The following CFAP91 variants were observed in gnomAD, a reference collection of about 807,000 sequenced individuals.
The protein encoded by CFAP91 is cilia- and flagella-associated protein 91.
Under a neutral mutation model 95.9 loss-of-function variants are expected in CFAP91, and 85 were observed. The ratio of observed to expected loss-of-function variants is 0.89; its 90% CI spans 0.74 to 1.06. The LOEUF is 1.06. Among genes scored for constraint, CFAP91 ranks in the 50% least tolerant of loss-of-function variants. CFAP91 has a pLI of 0.00. For synonymous variants in CFAP91, 335 were observed against 327.5 expected (o/e 1.02, Z -0.25); for missense variants, 962 against 943.4 (o/e 1.02, Z -0.26).
chr3:119,737,476 G>A lies in CFAP91; in HGVS notation c.1455G>A (p.Thr485=), dbSNP rs145872461. ...PRLPTPTLEM[T]SNEEEEMEMA... The stretch of plus-strand genomic sequence containing the variant: ...TTCCAACTCCAACCTTGGAAATGAC[G>A]TCCAATGTAAGTTGGAAACTTTTTA... Residue 485 remains threonine, a synonymous_variant, in exon 11 of 18, where the codon ACG becomes ACA. Transcript: ENST00000273390. 1.0e-4 allele frequency: 165 copies of A among 1,585,908 alleles called. No individual in the cohort carries two copies. Among genetic ancestry groups the A allele is most frequent in the Middle Eastern group, 3.3e-4 (2 of 6,016 alleles).
At chr3:119,750,816 G>T in intron 16 of CFAP91, 121 bp from the exon 17 acceptor site, 1 of 1,043,454 alleles carries the variant, frequency 9.6e-7, no homozygotes, top group Non-Finnish European at 1.4e-6. Flanking sequence ...AAAGAAATTA[G>T]ATTTGGGTTG....
At chr3:119,761,482 A>T (rs926172159) in intron 17 of CFAP91, among the ~76,000 whole-genome samples, 1 of 151,908 alleles carries the variant, frequency 6.6e-6, no homozygotes, top group Non-Finnish European at 1.5e-5. Context: ...ATACTTCCAA[A>T]CTCATTTTAC....
At chr3:119,727,238 A>G (rs1695127603) in intron 7 of CFAP91, among the ~76,000 whole-genome samples, 1 of 152,186 alleles carries the variant, frequency 6.6e-6, no homozygotes. Context: ...AATTTGGAAT[A>G]TGTTAAATTT....
At chr3:119,736,635 G>A (rs916825257) in intron 10 of CFAP91, among the ~76,000 whole-genome samples, 12 of 152,124 alleles carry the variant, frequency 7.9e-5, no homozygotes, top group African/African-American at 2.7e-4. Flanking sequence ...ATGGAGTCAT[G>A]CAGTATATGG....
chr3:119,759,659 TTAAAAA>T, intron 17 of CFAP91, among the ~76,000 whole-genome samples: 1 of 151,984 alleles, frequency 6.6e-6, no homozygotes, highest in East Asian at 1.9e-4. Flanking sequence ...GACAAAACTA[TTAAAAA>T]TAATATCTAC....
intron 5 of CFAP91, among the ~76,000 whole-genome samples, chr3:119,714,557 G>A (rs35931410): frequency 0.16 from 23,913 of 151,978 alleles, 2,041 homozygotes; most frequent in Admixed American, 0.2. Flanking sequence ...ATAGTATCTT[G>A]CTGTTTTACT....
intron 10 of CFAP91, among the ~76,000 whole-genome samples, chr3:119,735,860 T>TA (rs2053991580): frequency 6.6e-6 from 1 of 152,232 alleles, no homozygotes; most frequent in Non-Finnish European, 1.5e-5. Context: ...TCTTTTAGAT[T>TA]AAAAATAAGA....
chr3:119,715,881 T>G, intron 6 of CFAP91, 138 bp downstream of exon 6: 1 of 676,802 alleles, frequency 1.5e-6, no homozygotes, highest in Admixed American at 2.6e-5. Flanking sequence ...CTTCATAGAC[T>G]CATAATTTTT....
chr3:119,766,954 T>C lies in CFAP91; in HGVS notation c.*1904T>C, dbSNP rs967352154. 1 of 152,260 alleles carries C rather than the reference T, an allele frequency of 6.6e-6. No individual in the cohort carries two copies. Among genetic ancestry groups the C allele is most frequent in the African/African-American group, 2.4e-5 (1 of 41,468 alleles). 9.4% of individuals were successfully genotyped at this position (152,260 alleles called of 1,614,324 possible). On this transcript the variant is annotated 3_prime_UTR_variant, in exon 18 of 18. Transcript: ENST00000273390. Reference sequence around the variant, plus strand: ...TTGTTATACAATTCTCATTGACTAATTGAAGTTTACTAGGAGAGGAAAACT... The same window carrying C: ...TTGTTATACAATTCTCATTGACTAACTGAAGTTTACTAGGAGAGGAAAACT...
chr3:119,754,551 A>G (rs1392255316), intron 17 of CFAP91, among the ~76,000 whole-genome samples: 2 of 152,250 alleles, frequency 1.3e-5, no homozygotes, highest in Admixed American at 1.3e-4. Context: ...GGATGAAGTT[A>G]AGGAAGCCTA....
At chr3:119,717,360 C>CA (rs915895622) in intron 6 of CFAP91, among the ~76,000 whole-genome samples, 30 of 151,828 alleles carry the variant, frequency 2.0e-4, no homozygotes, top group East Asian at 1.2e-3. Context: ...AAAAAACAAA[C>CA]AAAAAAAACA....
intron 17 of CFAP91, among the ~76,000 whole-genome samples, chr3:119,756,357 A>G (rs768770412): frequency 8.5e-5 from 13 of 152,198 alleles, no homozygotes; most frequent in Non-Finnish European, 1.6e-4. Context: ...ATGCAAACAT[A>G]TTCTTCAAGA....
At chr3:119,737,266 C>A in intron 10 of CFAP91, 100 bp from the exon 11 acceptor site, 2 of 667,264 alleles carry the variant, frequency 3.0e-6, no homozygotes, top group South Asian at 2.0e-5. Flanking sequence ...TAGATTTCAC[C>A]ATTATGTAAT....
chr3:119,723,809 T>C (rs551137825), intron 6 of CFAP91, among the ~76,000 whole-genome samples: 88 of 152,314 alleles, frequency 5.8e-4, no homozygotes, highest in South Asian at 1.2e-3. Context: ...TAATTATGTT[T>C]ATGTGATAGG....
At chr3:119,704,611 A>T (rs557648557) in intron 1 of CFAP91, among the ~76,000 whole-genome samples, 2 of 152,226 alleles carry the variant, frequency 1.3e-5, no homozygotes, top group Non-Finnish European at 2.9e-5. Context: ...GAACACATTT[A>T]TACTAAAAAA....
In CFAP91 at chr3:119,716,609, C is replaced by T. The variant is rs191631900; in HGVS notation, c.682+866C>T. 5.2e-3 allele frequency among the ~76,000 whole-genome samples: 798 copies of T among 152,086 alleles called. 6 individuals are homozygous for T. The highest frequency in any genetic ancestry group is 0.017 in the African/African-American group (712 of 41,502). ...TCAACACCCATACTTTTTTTTGAGA[C>T]GGAGTCTTACTCTGTCGCCCAGGCT... On this transcript the variant is annotated intron_variant, in intron 6 of 17. Transcript: ENST00000273390.
intron 14 of CFAP91, 90 bp from the exon 15 acceptor site, chr3:119,747,021 TGAGC>T: frequency 1.1e-6 from 1 of 938,382 alleles, no homozygotes. Flanking sequence ...ATGAAATATA[TGAGC>T]TAGAAAAAGT....
At chr3:119,723,324 A>G (rs2053721623) in intron 6 of CFAP91, among the ~76,000 whole-genome samples, 1 of 152,210 alleles carries the variant, frequency 6.6e-6, no homozygotes, top group African/African-American at 2.4e-5. Context: ...AAAAATAATC[A>G]TATTTTATGA....
In CFAP91 at chr3:119,730,360, A is replaced by C; in HGVS notation, c.1001A>C (p.Gln334Pro). The C allele has an allele frequency of 6.2e-7, 1 of 1,614,134 alleles. No homozygotes were observed. Among genetic ancestry groups the C allele is most frequent in the Middle Eastern group, 1.7e-4 (1 of 6,058 alleles). The part of the protein sequence containing the change: ...EGKEAKMAKI[Q>P]RTHVSTIRKL... ...AAAGAGGCAAAAATGGCAAAAATTC[A>C]GCGCACGCATGTATCAAGTAATGGT... Residue 334 changes from glutamine to proline, a missense_variant, in exon 8 of 18, where the codon CAG becomes CCG. By Grantham distance (76) the Gln-to-Pro change is moderately conservative. Coordinates refer to ENST00000273390, the MANE Select transcript of CFAP91 (RefSeq NM_033364.4).
Sources: allele counts gnomAD v4.1 joint callset (sites outside exome capture counted in the v4.1 genomes callset), GRCh38; gene constraint gnomAD v4.1.1; transcripts MANE v1.5; gene names NCBI Gene and HGNC (gene_info 2026-07-23, HGNC 2026-07-21).